ALDH1A2: variants seen among roughly 807,000 people sequenced by gnomAD.
ALDH1A2 encodes retinal dehydrogenase 2.
In ALDH1A2, 27 loss-of-function variants were observed where a neutral mutation model predicts 60.3. The ratio of observed to expected loss-of-function variants is 0.45; its 90% confidence interval spans 0.33 to 0.62. The LOEUF (loss-of-function observed/expected upper bound fraction) is 0.62. Ranked by LOEUF, ALDH1A2 falls within the 20% of genes least tolerant of loss-of-function variation. The probability of loss-of-function intolerance (pLI) is 0.02; values close to 1 mark genes in which losing one functional copy is unlikely to be tolerated. For missense variants in ALDH1A2, 581 were observed against 643.8 expected, an observed-to-expected ratio of 0.90 and a Z score of 1.06; for synonymous variants, 289 against 232.4, an observed-to-expected ratio of 1.24 and a Z score of -2.21.
At chr15:57,967,206 C>T (rs530713521) in intron 7 of ALDH1A2, among the ~76,000 whole-genome samples, 3 of 149,342 alleles carry the variant, frequency 2.0e-5, no homozygotes, top group Non-Finnish European at 4.4e-5. Context: ...TCTGTCACTT[C>T]GTAACTGTTT....
At chr15:58,021,904 GC>G (rs2140528001) in intron 1 of ALDH1A2, among the ~76,000 whole-genome samples, 1 of 152,346 alleles carries the variant, frequency 6.6e-6, no homozygotes, top group East Asian at 1.9e-4. Context: ...AGGGGTTGCT[GC>G]AGCTGGTGCA....
chr15:58,045,253 G>A (rs1896608996), intron 1 of ALDH1A2, among the ~76,000 whole-genome samples: 1 of 152,016 alleles, frequency 6.6e-6, no homozygotes, highest in Non-Finnish European at 1.5e-5. Context: ...AATAGATGCT[G>A]GAGAGGAGGT....
intron 3 of ALDH1A2, among the ~76,000 whole-genome samples, chr15:58,013,552 G>A (rs1424794847): frequency 6.6e-6 from 1 of 151,982 alleles, no homozygotes; most frequent in African/African-American, 2.4e-5. Flanking sequence ...AGGAGCTCAA[G>A]ACCAGCCTGA....
chr15:57,985,423 C>A (rs1308449877), intron 7 of ALDH1A2, among the ~76,000 whole-genome samples: 2 of 152,178 alleles, frequency 1.3e-5, no homozygotes, highest in African/African-American at 4.8e-5. Context: ...TTGCTTACTG[C>A]TTAAAATTTC....
At chr15:58,039,075 A>T (rs535677020) in intron 1 of ALDH1A2, among the ~76,000 whole-genome samples, 1 of 151,900 alleles carries the variant, frequency 6.6e-6, no homozygotes, top group East Asian at 1.9e-4. Context: ...ATAAGTTTGC[A>T]TTCATGGGGC....
intron 4 of ALDH1A2, among the ~76,000 whole-genome samples, chr15:57,996,046 A>G (rs902552478): frequency 1.3e-5 from 2 of 152,002 alleles, no homozygotes; most frequent in Non-Finnish European, 2.9e-5. Context: ...CTTCACTGAT[A>G]CTTGTTTTCT....
rs571044775 is a variant in ALDH1A2 at position 57,963,623 on chromosome 15, G to A, written c.1086+262C>T. 6.6e-5 allele frequency among the ~76,000 whole-genome samples: 10 copies of A among 152,180 alleles called. No individual in the cohort carries two copies. In the South Asian group the frequency reaches 8.3e-4, roughly 13 times the overall value. ...CTCCCTAAAAGCTGAGATTACAGGC[G>A]TGAGCCACTGCGCCCGGCCAGAATA... On this transcript the variant is annotated intron_variant, in intron 9 of 12. Transcript: ENST00000249750.
At chr15:58,051,363 AT>A (rs1896774972) in intron 1 of ALDH1A2, among the ~76,000 whole-genome samples, 1 of 72,604 alleles carries the variant, frequency 1.4e-5, no homozygotes, top group Non-Finnish European at 4.0e-5. Context: ...TTCTCTTTTT[AT>A]TTATTTATTT....
At chr15:58,014,532 A>C (rs1303379085) in intron 1 of ALDH1A2, 3 of 537,090 alleles carry the variant, frequency 5.6e-6, no homozygotes, top group South Asian at 4.6e-5. Context: ...CTAAAGATAC[A>C]AATAAGGATA....
chr15:58,047,762 G>A (rs1424067313), intron 1 of ALDH1A2, among the ~76,000 whole-genome samples: 3 of 151,986 alleles, frequency 2.0e-5, no homozygotes, highest in Admixed American at 6.6e-5. Context: ...GTTAGAACAA[G>A]AGTGGTTCTG....
At position 58,003,808 on chromosome 15, in the gene ALDH1A2, G is replaced by C. The variant is rs373129698; in HGVS notation, c.493+6841C>G. 2.6e-5 allele frequency among the ~76,000 whole-genome samples: 4 copies of C among 151,694 alleles called. No individual in the cohort carries two copies. The South Asian group carries it at 8.3e-4, about 32-fold the overall frequency. On this transcript the variant is annotated intron_variant, in intron 4 of 12. Transcript: ENST00000249750. Reference sequence around the variant, plus strand: ...CTATAACATTAGCGATAATGTAACAGGTAAAAAAGTGTTCCATAGGTCATA... The same window carrying C: ...CTATAACATTAGCGATAATGTAACACGTAAAAAAGTGTTCCATAGGTCATA...
At chr15:58,010,962 A>G (rs980671791) in intron 3 of ALDH1A2, among the ~76,000 whole-genome samples, 184 bp from the exon 4 acceptor site, 3 of 152,170 alleles carry the variant, frequency 2.0e-5, no homozygotes, top group Non-Finnish European at 4.4e-5. Flanking sequence ...GTTCCTAGTA[A>G]AAACCACAAT....
Position 57,956,344 on chromosome 15 carries a change from A to ATGAT in ALDH1A2, c.1485-1079_1485-1076dup, listed in dbSNP as rs1355853760. 5.3e-5 allele frequency among the ~76,000 whole-genome samples: 8 copies of ATGAT among 152,362 alleles called. 1 individual carries two copies. The South Asian group carries it at 1.5e-3, about 28-fold the overall frequency. On this transcript the variant is annotated intron_variant, in intron 12 of 12. Coordinates refer to ENST00000249750, the MANE Select transcript of ALDH1A2 (RefSeq NM_003888.4). ...ATATATTTGAATATGAAACAATTAA[A>ATGAT]TGATTAAGAAAGGCTGTCTTTTGAA...
chr15:57,956,102 C>G (rs1396500432), intron 12 of ALDH1A2, among the ~76,000 whole-genome samples: 2 of 152,106 alleles, frequency 1.3e-5, no homozygotes, highest in African/African-American at 4.8e-5. Flanking sequence ...GTCTTCCCTA[C>G]TGAGTTGTAT....
At chr15:57,969,352 C>T (rs1323260706) in intron 7 of ALDH1A2, among the ~76,000 whole-genome samples, 1 of 152,192 alleles carries the variant, frequency 6.6e-6, no homozygotes, top group African/African-American at 2.4e-5. Context: ...AATATTAGAT[C>T]TGAACAGATT....
chr15:58,061,610 CAAAA>C (rs1216992550), intron 1 of ALDH1A2, among the ~76,000 whole-genome samples: 18 of 100,368 alleles, frequency 1.8e-4, no homozygotes, highest in East Asian at 5.3e-4. Flanking sequence ...AAAAAAAAAA[CAAAA>C]AAAAAAAAAA....
intron 4 of ALDH1A2, among the ~76,000 whole-genome samples, chr15:58,001,382 A>G (rs1895264172): frequency 6.6e-6 from 1 of 151,918 alleles, no homozygotes; most frequent in South Asian, 2.1e-4. Context: ...GGTAAAAATA[A>G]ACAAAGAAAA....
At chr15:58,058,290 T>G (rs1358249668) in intron 1 of ALDH1A2, among the ~76,000 whole-genome samples, 4 of 151,890 alleles carry the variant, frequency 2.6e-5, no homozygotes, top group Non-Finnish European at 5.9e-5. Flanking sequence ...AAAGGGGAAG[T>G]AGGTTATTTT....
intron 7 of ALDH1A2, among the ~76,000 whole-genome samples, chr15:57,967,408 C>G (rs1461909544): frequency 6.6e-6 from 1 of 152,140 alleles, no homozygotes; most frequent in African/African-American, 2.4e-5. Flanking sequence ...CTGGGGCCTC[C>G]CTTTTCTTCC....
Sources: gnomAD v4.1 joint callset for allele counts (sites outside exome capture counted in the v4.1 genomes callset) on GRCh38, gnomAD v4.1.1 for gene constraint, MANE v1.5 for transcripts, NCBI Gene and HGNC (gene_info 2026-07-23, HGNC 2026-07-21) for gene names.